The following TRIM5 variants were observed in gnomAD, a reference collection of about 807,000 sequenced individuals.
The protein encoded by TRIM5 is tripartite motif containing 5.
In TRIM5, 31 loss-of-function variants were observed where a neutral mutation model predicts 35.6. The observed-to-expected ratio is 0.87, with a 90% confidence interval of 0.65 to 1.18. TRIM5 has a LOEUF of 1.18. Among genes scored for constraint, TRIM5 ranks in the 50% most tolerant of loss-of-function variants. TRIM5 has a pLI of 0.00. For synonymous variants in TRIM5, 243 were observed against 215.6 expected (o/e 1.13, Z -1.11); for missense variants, 609 against 591.6 (o/e 1.03, Z -0.31).
At chr11:5,632,289 A>T in the TRIM5 span, 3 of 1,613,014 alleles carry the variant, frequency 1.9e-6, no homozygotes, top group Non-Finnish European at 2.5e-6. Flanking sequence ...GAGAGAGGAG[A>T]GCCTCAGGAG....
chr11:5,616,117 AT>A, the TRIM5 span, among the ~76,000 whole-genome samples: 54 of 148,266 alleles, frequency 3.6e-4, no homozygotes, highest in Admixed American at 2.1e-3. Flanking sequence ...CGCCCGGCTA[AT>A]TTTTTTGTAT....
At chr11:5,627,893 C>T in the TRIM5 span, among the ~76,000 whole-genome samples, 1 of 152,202 alleles carries the variant, frequency 6.6e-6, no homozygotes, top group Non-Finnish European at 1.5e-5. Flanking sequence ...TTACTATCTA[C>T]CTGCAGAGAG....
At chr11:5,682,215 C>A (rs757520736) in intron 1 of TRIM5, among the ~76,000 whole-genome samples, 1 of 152,138 alleles carries the variant, frequency 6.6e-6, no homozygotes, top group Non-Finnish European at 1.5e-5. Context: ...ACCAGCCTGG[C>A]CAACATGGTG....
chr11:5,639,438 TGGGAGACCGAAGA>T, the TRIM5 span, among the ~76,000 whole-genome samples: 1 of 152,002 alleles, frequency 6.6e-6, no homozygotes, highest in Non-Finnish European at 1.5e-5. Flanking sequence ...CCCAGCACTT[TGGGAGACCGAAGA>T]GGGCGGATCA....
chr11:5,660,027 C>G (rs1040799187), downstream of TRIM5, among the ~76,000 whole-genome samples: 1 of 151,826 alleles, frequency 6.6e-6, no homozygotes, highest in African/African-American at 2.4e-5. Flanking sequence ...CCCAGGCTGA[C>G]GTGCAGTGGC....
chr11:5,633,972 T>C, the TRIM5 span: 1 of 1,522,926 alleles, frequency 6.6e-7, no homozygotes, highest in Non-Finnish European at 8.9e-7. Flanking sequence ...GCCTCGTCCT[T>C]TTTATTCCTT....
chr11:5,656,733 G>C, the TRIM5 span, among the ~76,000 whole-genome samples: 1 of 152,244 alleles, frequency 6.6e-6, no homozygotes, highest in East Asian at 1.9e-4. Flanking sequence ...CTGGTTACTA[G>C]AGAAATGCAA....
At chr11:5,648,756 T>C in the TRIM5 span, among the ~76,000 whole-genome samples, 1 of 152,172 alleles carries the variant, frequency 6.6e-6, no homozygotes, top group Non-Finnish European at 1.5e-5. Flanking sequence ...TGGGACGTGT[T>C]TATAAGGAAA....
the TRIM5 span, chr11:5,641,352 C>A: frequency 6.8e-7 from 1 of 1,465,432 alleles, no homozygotes; most frequent in Non-Finnish European, 9.1e-7. Flanking sequence ...TTTGAGTGTT[C>A]CGTAACTATT....
the TRIM5 span, among the ~76,000 whole-genome samples, chr11:5,609,130 CAT>C: frequency 1.3e-5 from 2 of 152,106 alleles, no homozygotes; most frequent in Admixed American, 6.6e-5. Flanking sequence ...GGGAATCAAA[CAT>C]GTTCTCTATC....
the TRIM5 span, among the ~76,000 whole-genome samples, chr11:5,609,651 A>G: frequency 6.6e-6 from 1 of 152,194 alleles, no homozygotes; most frequent in Admixed American, 6.6e-5. Flanking sequence ...GGACAGGCGC[A>G]GTGACTCACA....
At chr11:5,647,012 G>C in the TRIM5 span, among the ~76,000 whole-genome samples, 5 of 152,206 alleles carry the variant, frequency 3.3e-5, no homozygotes, top group Admixed American at 6.5e-5. Flanking sequence ...CTATGGATGT[G>C]GGTTACCAGA....
At chr11:5,649,218 C>T in the TRIM5 span, among the ~76,000 whole-genome samples, 1 of 152,166 alleles carries the variant, frequency 6.6e-6, no homozygotes, top group African/African-American at 2.4e-5. Flanking sequence ...TTTTCTTATA[C>T]CAGATTATCT....
At chr11:5,595,099 A>G in the TRIM5 span, 1 of 152,164 alleles carries the variant, frequency 6.6e-6, no homozygotes, top group Non-Finnish European at 1.5e-5. Context: ...TGTCCAGAGA[A>G]ATCTCTTGAT....
intron 1 of TRIM5, 77 bp from the exon 2 acceptor site, chr11:5,680,315 G>C: frequency 1.2e-6 from 1 of 851,236 alleles, no homozygotes; most frequent in Non-Finnish European, 1.7e-6. Flanking sequence ...TGCACAATTA[G>C]AAAATGGGCA....
the TRIM5 span, among the ~76,000 whole-genome samples, chr11:5,646,044 T>TAATACATATGTATAATACAA: frequency 8.8e-6 from 1 of 114,258 alleles, no homozygotes; most frequent in Non-Finnish European, 1.7e-5. Flanking sequence ...CATAAATATA[T>TAATACATATGTATAATACAA]TAGATTATAT....
chr11:5,663,766 G>T lies in TRIM5; in HGVS notation c.*1043C>A. 1 of 197,520 alleles carries T rather than the reference G, an allele frequency of 5.1e-6. No individual in the cohort carries two copies. The highest frequency in any genetic ancestry group is 9.1e-6 in the Non-Finnish European group (1 of 109,394). The allele number at this position is 197,520 out of a possible 1,614,324, so 12.2% of individuals were successfully genotyped here. A position where few individuals can be genotyped will look rare whatever the true frequency, so the allele number is the denominator to read the frequency against. ...CACCTCAAATATGTGTCATTTCTTT[G>T]TGTTGAGAACTTTCAAAATCCTCTC... is the stretch of plus-strand genomic sequence containing the variant. On this transcript the variant is annotated 3_prime_UTR_variant, in exon 8 of 8. Transcript: ENST00000380034.
the TRIM5 span, among the ~76,000 whole-genome samples, chr11:5,599,388 T>TATTTATTC: frequency 1.5e-5 from 1 of 65,564 alleles, no homozygotes; most frequent in Non-Finnish European, 3.7e-5. Flanking sequence ...TTATTATATT[T>TATTTATTC]ATTTATTTAT....
At chr11:5,657,686 A>ATT in the TRIM5 span, among the ~76,000 whole-genome samples, 26 of 129,254 alleles carry the variant, frequency 2.0e-4, 1 homozygote, top group African/African-American at 7.5e-4. Context: ...ATATATATAT[A>ATT]TTTATAATAT....
Sources: allele counts gnomAD v4.1 joint callset (sites outside exome capture counted in the v4.1 genomes callset), GRCh38; gene constraint gnomAD v4.1.1; transcripts MANE v1.5; gene names NCBI Gene and HGNC (gene_info 2026-07-23, HGNC 2026-07-21).